NEDD4L: variants seen among roughly 807,000 people sequenced by gnomAD.
The protein encoded by NEDD4L is NEDD4 like E3 ubiquitin protein ligase.
Under a neutral mutation model 148.9 loss-of-function variants are expected in NEDD4L, and 54 were observed. That is an observed-to-expected ratio of 0.36 (90% CI 0.29 to 0.45). NEDD4L has a LOEUF of 0.45. Among genes scored for constraint, NEDD4L ranks in the 20% least tolerant of loss-of-function variants. NEDD4L has a pLI of 1.00. For synonymous variants in NEDD4L, 433 were observed against 440.7 expected, an observed-to-expected ratio of 0.98 and a Z score of 0.22; for missense variants, 856 against 1,233.8, an observed-to-expected ratio of 0.69 and a Z score of 4.59.
chr18:58,279,597 A>G (rs1220856420), intron 5 of NEDD4L, among the ~76,000 whole-genome samples: 1 of 152,210 alleles, frequency 6.6e-6, no homozygotes, highest in Non-Finnish European at 1.5e-5. Flanking sequence ...GTTCTTCCCT[A>G]TGCAGTGGTG....
chr18:58,183,587 C>G (rs2039091568), intron 2 of NEDD4L, among the ~76,000 whole-genome samples: 1 of 152,194 alleles, frequency 6.6e-6, no homozygotes, highest in Non-Finnish European at 1.5e-5. Context: ...TTGGAGATAG[C>G]TTTTCATGTT....
intron 2 of NEDD4L, among the ~76,000 whole-genome samples, chr18:58,178,372 A>G (rs1018504376): frequency 6.6e-6 from 1 of 152,188 alleles, no homozygotes; most frequent in South Asian, 2.1e-4. Flanking sequence ...TTGGATATCC[A>G]CTGTAAATTT....
chr18:58,357,398 T>C, intron 19 of NEDD4L, 146 bp downstream of exon 19: 1 of 789,568 alleles, frequency 1.3e-6, no homozygotes, highest in Non-Finnish European at 2.3e-6. Flanking sequence ...TGCCATCTCC[T>C]TACTGAAGTT....
chr18:58,356,723 G>T (rs1160892895), intron 18 of NEDD4L, among the ~76,000 whole-genome samples: 1 of 152,130 alleles, frequency 6.6e-6, no homozygotes, highest in Non-Finnish European at 1.5e-5. Context: ...TTTGTTCAAT[G>T]CAGGATTCTT....
intron 1 of NEDD4L, among the ~76,000 whole-genome samples, chr18:58,118,236 C>T (rs1283188376): frequency 1.3e-5 from 2 of 152,268 alleles, no homozygotes; most frequent in Non-Finnish European, 2.9e-5. Flanking sequence ...GAGGCACATG[C>T]TCTTACGTAT....
intron 1 of NEDD4L, among the ~76,000 whole-genome samples, chr18:58,052,533 A>C (rs2081918684): frequency 6.6e-6 from 1 of 152,198 alleles, no homozygotes; most frequent in Non-Finnish European, 1.5e-5. Flanking sequence ...CCTTGCTGTC[A>C]TCAAATTCAG....
intron 27 of NEDD4L, 70 bp downstream of exon 27, chr18:58,387,568 T>C: frequency 7.2e-7 from 1 of 1,384,204 alleles, no homozygotes; most frequent in African/African-American, 1.5e-5. Flanking sequence ...TTACAAGTAA[T>C]ATTTTAATAT....
At chr18:58,171,567 G>T (rs188812380) in intron 2 of NEDD4L, among the ~76,000 whole-genome samples, 21 of 152,390 alleles carry the variant, frequency 1.4e-4, no homozygotes, top group South Asian at 4.1e-4. Context: ...CTCCAGCCCT[G>T]TCTTATTGGT....
intron 5 of NEDD4L, among the ~76,000 whole-genome samples, chr18:58,261,362 C>T (rs1478151832): frequency 6.6e-6 from 1 of 152,170 alleles, no homozygotes; most frequent in East Asian, 1.9e-4. Context: ...GTTGAGTCTA[C>T]TGTTACTTTG....
At chr18:58,364,246 T>C (rs1454981369) in intron 19 of NEDD4L, 22 bp from the exon 20 acceptor site, 3 of 1,415,902 alleles carry the variant, frequency 2.1e-6, no homozygotes, top group East Asian at 5.0e-5. Flanking sequence ...GCATTATCTA[T>C]ATTTATAAAT....
chr18:58,100,986 TG>T (rs1257696415), intron 1 of NEDD4L, among the ~76,000 whole-genome samples: 1 of 152,078 alleles, frequency 6.6e-6, no homozygotes. Context: ...TTGTATTTTT[TG>T]TAGAGATGAG....
In NEDD4L at chr18:58,373,408, C is replaced by T. The variant is rs142356798; in HGVS notation, c.2352+139C>T. 19 of 621,652 alleles carry T rather than the reference C, an allele frequency of 3.1e-5. No homozygotes were observed. The African/African-American group carries it at 3.5e-4, about 11-fold the overall frequency. 38.5% of individuals were successfully genotyped at this position (621,652 alleles called of 1,614,324 possible). On this transcript the variant is annotated intron_variant, in intron 24 of 30. Coordinates refer to ENST00000400345, the MANE Select transcript of NEDD4L (RefSeq NM_001144967.3). Reference sequence around the variant, plus strand: ...GGTGTTAATTTTCATCTCATTGTAGCAGCACCTTTTTGTCATGCCAAGACG... The same window carrying T: ...GGTGTTAATTTTCATCTCATTGTAGTAGCACCTTTTTGTCATGCCAAGACG...
intron 16 of NEDD4L, among the ~76,000 whole-genome samples, chr18:58,345,025 C>A (rs1018720163): frequency 6.6e-6 from 1 of 152,222 alleles, no homozygotes; most frequent in Non-Finnish European, 1.5e-5. Flanking sequence ...AAACAGCACT[C>A]GCTTTATTTA....
At chr18:58,394,306 G>A (rs568415588) in intron 30 of NEDD4L, among the ~76,000 whole-genome samples, 24 of 152,226 alleles carry the variant, frequency 1.6e-4, no homozygotes, top group Admixed American at 2.6e-4. Context: ...AAGCGGTGAA[G>A]CATTAAGCAG....
intron 19 of NEDD4L, chr18:58,357,474 T>C: frequency 1.5e-6 from 1 of 687,168 alleles, no homozygotes; most frequent in Non-Finnish European, 2.7e-6. Context: ...AACAGCTTGA[T>C]AACGACAGCA....
chr18:58,212,125 A>C lies in NEDD4L; in HGVS notation c.123-33302A>C, dbSNP rs143758087. ...AAAAAGAGACACACTTTGAACATAT[A>C]TTTTATTTTTATTTGTTTATTTTTT... is the stretch of plus-strand genomic sequence containing the variant. On this transcript the variant is annotated intron_variant, in intron 2 of 30. Transcript: ENST00000400345. Among the ~76,000 whole-genome samples the C allele has an allele frequency of 4.6e-3, 695 of 152,176 alleles. 4 individuals are homozygous for C. Among genetic ancestry groups the C allele is most frequent in the African/African-American group, 0.016 (672 of 41,554 alleles).
intron 5 of NEDD4L, among the ~76,000 whole-genome samples, chr18:58,280,134 C>G (rs2052790411): frequency 6.6e-6 from 1 of 152,126 alleles, no homozygotes; most frequent in South Asian, 2.1e-4. Context: ...TCTCAAACTC[C>G]TGGGCTCAAG....
At chr18:58,372,619 A>T (rs937393469) in intron 23 of NEDD4L, 1 of 152,478 alleles carries the variant, frequency 6.6e-6, no homozygotes, top group Non-Finnish European at 1.5e-5. Flanking sequence ...GATAGAAAGT[A>T]TATTGACCAG....
intron 2 of NEDD4L, among the ~76,000 whole-genome samples, chr18:58,215,926 C>G (rs1243374846): frequency 6.6e-6 from 1 of 151,032 alleles, no homozygotes; most frequent in Non-Finnish European, 1.5e-5. Context: ...AAGTTTGTTT[C>G]CAGTTTTTCA....
Sources: gnomAD v4.1 joint callset for allele counts (sites outside exome capture counted in the v4.1 genomes callset) on GRCh38, gnomAD v4.1.1 for gene constraint, MANE v1.5 for transcripts, NCBI Gene and HGNC (gene_info 2026-07-23, HGNC 2026-07-21) for gene names.